EDIL3: variants seen among roughly 807,000 people sequenced by gnomAD.
The protein encoded by EDIL3 is EGF-like repeat and discoidin I-like domain-containing protein 3.
In EDIL3, 37 loss-of-function variants were observed where a neutral mutation model predicts 67.4. The observed-to-expected ratio is 0.55, with a 90% CI of 0.42 to 0.72. The LOEUF (loss-of-function observed/expected upper bound fraction) is 0.72. Ranked by LOEUF, EDIL3 falls within the 30% of genes least tolerant of loss-of-function variation. The probability of loss-of-function intolerance (pLI) is 0.00; values close to 1 mark genes in which losing one functional copy is unlikely to be tolerated. For missense variants in EDIL3, 527 were observed against 586.3 expected, an observed-to-expected ratio of 0.90 and a Z score of 1.04; for synonymous variants, 195 against 196.3, an observed-to-expected ratio of 0.99 and a Z score of 0.05.
At chr5:84,067,212 T>C (rs1347934053) in intron 6 of EDIL3, among the ~76,000 whole-genome samples, 1 of 152,200 alleles carries the variant, frequency 6.6e-6, no homozygotes, top group Non-Finnish European at 1.5e-5. Flanking sequence ...CATTTTATTA[T>C]AAGTAAAATT....
At chr5:84,095,849 C>T (rs888172222) in intron 6 of EDIL3, among the ~76,000 whole-genome samples, 2 of 152,214 alleles carry the variant, frequency 1.3e-5, no homozygotes, top group African/African-American at 4.8e-5. Context: ...TGTTAGAGGT[C>T]TTCATGGCAG....
At chr5:84,356,900 T>C (rs1187989621) in intron 1 of EDIL3, among the ~76,000 whole-genome samples, 1 of 143,914 alleles carries the variant, frequency 6.9e-6, no homozygotes, top group Non-Finnish European at 1.5e-5. Context: ...TTTTTTTTTT[T>C]TTTTTTTTTT....
intron 1 of EDIL3, among the ~76,000 whole-genome samples, chr5:84,273,022 C>T (rs1745506450): frequency 6.6e-6 from 1 of 152,022 alleles, no homozygotes; most frequent in African/African-American, 2.4e-5. Flanking sequence ...CTCGGCTTTG[C>T]TTGTCTCCAG....
intron 10 of EDIL3, among the ~76,000 whole-genome samples, chr5:83,953,644 G>A (rs1023978238): frequency 6.6e-6 from 1 of 151,750 alleles, no homozygotes; most frequent in Non-Finnish European, 1.5e-5. Flanking sequence ...TAGTTCTTGT[G>A]TTCAGTTTTC....
chr5:84,129,263 GTTTC>G (rs899084787), intron 5 of EDIL3, among the ~76,000 whole-genome samples: 3 of 151,860 alleles, frequency 2.0e-5, no homozygotes, highest in African/African-American at 4.8e-5. Flanking sequence ...CGTTGAAATT[GTTTC>G]TTTCTTTATT....
chr5:84,073,497 A>C (rs1311972778), intron 6 of EDIL3, among the ~76,000 whole-genome samples: 4 of 152,246 alleles, frequency 2.6e-5, no homozygotes, highest in Non-Finnish European at 1.5e-5. Flanking sequence ...ACTTCGGCAA[A>C]GTCTCAGGAT....
chr5:83,997,499 G>A (rs568841935), intron 9 of EDIL3, among the ~76,000 whole-genome samples: 1 of 152,122 alleles, frequency 6.6e-6, no homozygotes, highest in South Asian at 2.1e-4. Context: ...TAGTTGGTGT[G>A]ACCAATCCCT....
chr5:84,072,511 CAT>C (rs1373174455), intron 6 of EDIL3, among the ~76,000 whole-genome samples: 1 of 152,030 alleles, frequency 6.6e-6, no homozygotes, highest in African/African-American at 2.4e-5. Context: ...CTATAAATGA[CAT>C]AGTTTTCATG....
chr5:83,947,547 T>C (rs1580246986), intron 10 of EDIL3, among the ~76,000 whole-genome samples: 2 of 151,860 alleles, frequency 1.3e-5, no homozygotes, highest in African/African-American at 4.8e-5. Context: ...CCTGTTTTTA[T>C]CTAATTCTAC....
rs534246126 is a variant in EDIL3, at chr5:84,019,925, C to T, written c.1137+40375G>A. ...ACTGTCCTGAGAGGTCCTGGACTGT[C>T]GCCCCACAGTGCAATGGTCCTAGGA... On this transcript the variant is annotated intron_variant, in intron 9 of 10. Transcript: ENST00000296591. Among the ~76,000 whole-genome samples, 16 of 152,072 alleles carry T rather than the reference C, an allele frequency of 1.1e-4. 1 individual carries two copies. In the South Asian group the frequency reaches 1.2e-3, roughly 12 times the overall value.
intron 1 of EDIL3, among the ~76,000 whole-genome samples, chr5:84,312,454 C>T (rs577554102): frequency 1.5e-4 from 20 of 134,128 alleles, no homozygotes; most frequent in African/African-American, 5.4e-4. Flanking sequence ...CCAGTAGGGG[C>T]GGCCGGGCAG....
intron 5 of EDIL3, among the ~76,000 whole-genome samples, chr5:84,110,341 C>A (rs2112287138): frequency 6.6e-6 from 1 of 152,206 alleles, no homozygotes; most frequent in African/African-American, 2.4e-5. Context: ...ATCCACTTCC[C>A]CCATATCCTA....
At chr5:84,062,776 C>T (rs1746568918) in intron 8 of EDIL3, among the ~76,000 whole-genome samples, 1 of 152,076 alleles carries the variant, frequency 6.6e-6, no homozygotes, top group African/African-American at 2.4e-5. Context: ...TAGTTTGGTA[C>T]ATTACATTAG....
At chr5:84,074,590 A>G (rs1178089272) in intron 6 of EDIL3, among the ~76,000 whole-genome samples, 1 of 151,976 alleles carries the variant, frequency 6.6e-6, no homozygotes, top group African/African-American at 2.4e-5. Flanking sequence ...CAAAAGACAC[A>G]TGAAAAAATG....
chr5:84,366,638 G>A (rs1053676009), intron 1 of EDIL3, among the ~76,000 whole-genome samples: 4 of 152,020 alleles, frequency 2.6e-5, no homozygotes, highest in Non-Finnish European at 5.9e-5. Context: ...CTGTTCTATT[G>A]TATCAGAAAT....
At chr5:84,255,710 G>C (rs1745110871) in intron 1 of EDIL3, among the ~76,000 whole-genome samples, 1 of 152,080 alleles carries the variant, frequency 6.6e-6, no homozygotes, top group African/African-American at 2.4e-5. Flanking sequence ...TGAAAATTCA[G>C]GTTATGATTT....
intron 5 of EDIL3, among the ~76,000 whole-genome samples, chr5:84,112,250 A>G (rs1229971204): frequency 6.6e-6 from 1 of 152,218 alleles, no homozygotes; most frequent in South Asian, 2.1e-4. Context: ...GGACAAAACT[A>G]TGTCCAAAGA....
intron 6 of EDIL3, among the ~76,000 whole-genome samples, chr5:84,096,367 G>A (rs1381865528): frequency 6.6e-6 from 1 of 152,172 alleles, no homozygotes; most frequent in Admixed American, 6.5e-5. Flanking sequence ...CAAGACCATG[G>A]GAACCCACCT....
intron 2 of EDIL3, among the ~76,000 whole-genome samples, chr5:84,232,526 A>G (rs1172703778): frequency 2.0e-5 from 3 of 152,194 alleles, no homozygotes; most frequent in Non-Finnish European, 4.4e-5. Context: ...GAGTCATAGT[A>G]ATCAGAACCT....
Sources: gnomAD v4.1 joint callset for allele counts (sites outside exome capture counted in the v4.1 genomes callset) on GRCh38, gnomAD v4.1.1 for gene constraint, MANE v1.5 for transcripts, NCBI Gene and HGNC (gene_info 2026-07-23, HGNC 2026-07-21) for gene names.